The following ROCK1 variants were observed in gnomAD, a reference collection of about 807,000 sequenced individuals.
ROCK1 encodes the protein Rho associated coiled-coil containing protein kinase 1.
A neutral mutation model predicts 196.8 loss-of-function variants in ROCK1; 36 were observed. That is an observed-to-expected ratio of 0.18 (90% CI 0.14 to 0.24). The LOEUF is 0.24. Ranked by LOEUF, ROCK1 falls within the 10% of genes least tolerant of loss-of-function variation. The pLI is 1.00. For missense variants in ROCK1, 920 were observed against 1,562.0 expected, an observed-to-expected ratio of 0.59 and a Z score of 6.93; for synonymous variants, 443 against 515.9, an observed-to-expected ratio of 0.86 and a Z score of 1.91.
chr18:21,056,837 A>C (rs529532261), intron 2 of ROCK1, among the ~76,000 whole-genome samples: 110 of 152,286 alleles, frequency 7.2e-4, no homozygotes, highest in Non-Finnish European at 1.4e-3. Flanking sequence ...TTCTTCAAAC[A>C]GGCCAGGTAC....
At chr18:21,032,615 G>T (rs572376952) in intron 9 of ROCK1, among the ~76,000 whole-genome samples, 1 of 150,920 alleles carries the variant, frequency 6.6e-6, no homozygotes, top group South Asian at 2.1e-4. Context: ...GTGCCTCCCG[G>T]GTTCAAGTGA....
At chr18:20,959,398 G>C (rs934086579) in intron 29 of ROCK1, among the ~76,000 whole-genome samples, 8 of 149,046 alleles carry the variant, frequency 5.4e-5, no homozygotes, top group South Asian at 2.1e-4. Context: ...TTTTAGTAGA[G>C]ATGGGGTTTC....
intron 12 of ROCK1, among the ~76,000 whole-genome samples, chr18:21,016,151 C>T (rs2035861404): frequency 6.6e-6 from 1 of 152,036 alleles, no homozygotes; most frequent in Admixed American, 6.6e-5. Context: ...GCTGTAACAA[C>T]TGTAATAAGA....
At chr18:21,039,408 T>C in intron 9 of ROCK1, 64 bp downstream of exon 9, 1 of 1,176,270 alleles carries the variant, frequency 8.5e-7, no homozygotes, top group South Asian at 1.3e-5. Context: ...CAATGTAGTT[T>C]CAACAAACTA....
chr18:21,040,088 A>G (rs1598539427), intron 8 of ROCK1, among the ~76,000 whole-genome samples: 1 of 152,184 alleles, frequency 6.6e-6, no homozygotes, highest in East Asian at 1.9e-4. Flanking sequence ...AATAACTACA[A>G]AAAACACCCA....
intron 7 of ROCK1, 91 bp from the exon 8 acceptor site, chr18:21,042,326 A>G: frequency 1.7e-6 from 2 of 1,206,708 alleles, no homozygotes; most frequent in Non-Finnish European, 2.3e-6. Flanking sequence ...CCGTTTAAAA[A>G]GATTATTAGG....
At chr18:21,052,033 A>G (rs1379976157) in intron 2 of ROCK1, among the ~76,000 whole-genome samples, 2 of 152,224 alleles carry the variant, frequency 1.3e-5, no homozygotes, top group South Asian at 2.1e-4. Flanking sequence ...CCTGGATAAT[A>G]TAATAGCCTG....
At chr18:21,008,299 A>G in intron 13 of ROCK1, 105 bp from the exon 14 acceptor site, 1 of 814,126 alleles carries the variant, frequency 1.2e-6, no homozygotes, top group Admixed American at 3.1e-5. Flanking sequence ...AAAAAAAGAC[A>G]AACACTTAAG....
At chr18:21,091,229 T>C (rs1052047167) in intron 1 of ROCK1, among the ~76,000 whole-genome samples, 34 of 152,146 alleles carry the variant, frequency 2.2e-4, no homozygotes, top group African/African-American at 7.5e-4. Flanking sequence ...ACTTAATGAA[T>C]AGTAAATATA....
chr18:21,109,265 T>C (rs951118399), intron 1 of ROCK1, among the ~76,000 whole-genome samples: 7 of 152,174 alleles, frequency 4.6e-5, no homozygotes, highest in Non-Finnish European at 1.0e-4. Flanking sequence ...TCATGACTTA[T>C]ATTTCCTTGT....
intron 25 of ROCK1, 142 bp downstream of exon 25, chr18:20,968,630 T>C: frequency 1.7e-6 from 1 of 600,602 alleles, no homozygotes; most frequent in Non-Finnish European, 3.0e-6. Context: ...CACAAATAAG[T>C]TTTTTATAGT....
intron 10 of ROCK1, 146 bp downstream of exon 10, chr18:21,028,630 A>G: frequency 1.4e-6 from 1 of 729,038 alleles, no homozygotes; most frequent in Admixed American, 3.6e-5. Context: ...TTAAATATGA[A>G]ATACTGGAAA....
chr18:21,028,675 G>T, intron 10 of ROCK1, 101 bp downstream of exon 10: 1 of 999,138 alleles, frequency 1.0e-6, no homozygotes, highest in Non-Finnish European at 1.4e-6. Context: ...ATAATAAGGT[G>T]TATCTTTATA....
At chr18:21,013,180 C>T (rs925032029) in intron 13 of ROCK1, among the ~76,000 whole-genome samples, 11 of 152,170 alleles carry the variant, frequency 7.2e-5, no homozygotes, top group African/African-American at 2.4e-4. Flanking sequence ...GTTTGCTATT[C>T]AAACCTGGAC....
In ROCK1 at chr18:20,970,849, T is replaced by C. The variant is rs146099398; in HGVS notation, c.2655-336A>G. 2.7e-3 allele frequency among the ~76,000 whole-genome samples: 412 copies of C among 152,306 alleles called. 3 individuals are homozygous for C. Among genetic ancestry groups the C allele is most frequent in the Non-Finnish European group, 3.3e-3 (226 of 68,032 alleles). On this transcript the variant is annotated intron_variant, in intron 22 of 32. Transcript: ENST00000399799. ...GCATAGTGGAAAAGTCATTGACTTG[T>C]TAATCAGCAGGCTAGACCCAGAACT...
chr18:21,034,685 T>C (rs914898296), intron 9 of ROCK1, among the ~76,000 whole-genome samples: 3 of 152,124 alleles, frequency 2.0e-5, no homozygotes, highest in Non-Finnish European at 2.9e-5. Context: ...GCTGAAACTA[T>C]AAAATTCAAA....
At chr18:21,059,876 A>G (rs1481960594) in intron 2 of ROCK1, among the ~76,000 whole-genome samples, 1 of 152,266 alleles carries the variant, frequency 6.6e-6, no homozygotes, top group Non-Finnish European at 1.5e-5. Context: ...ATACTGACAC[A>G]TGGTATAACA....
intron 12 of ROCK1, among the ~76,000 whole-genome samples, chr18:21,015,748 G>A (rs2035856864): frequency 6.6e-6 from 1 of 151,754 alleles, no homozygotes; most frequent in South Asian, 2.1e-4. Context: ...GAGGCGGGTG[G>A]ATCATCTGAG....
intron 1 of ROCK1, among the ~76,000 whole-genome samples, chr18:21,106,659 G>A (rs998784951): frequency 2.6e-5 from 4 of 152,148 alleles, no homozygotes; most frequent in Non-Finnish European, 4.4e-5. Context: ...CTGTAACATG[G>A]ACAGTAAGAA....
Sources: gnomAD v4.1 joint callset for allele counts (sites outside exome capture counted in the v4.1 genomes callset) on GRCh38, gnomAD v4.1.1 for gene constraint, MANE v1.5 for transcripts, NCBI Gene and HGNC (gene_info 2026-07-23, HGNC 2026-07-21) for gene names.